Variants in CLMP observed in about 807,000 individuals in gnomAD.
The protein encoded by CLMP is CXADR like cell adhesion molecule.
In CLMP, 27 loss-of-function variants were observed where a neutral mutation model predicts 45.2. The ratio of observed to expected loss-of-function variants is 0.60; its 90% CI spans 0.44 to 0.82. The LOEUF (loss-of-function observed/expected upper bound fraction) is 0.82. Ranked by LOEUF, CLMP falls within the 40% of genes least tolerant of loss-of-function variation. The pLI is 0.00. For missense variants in CLMP, 403 were observed against 448.4 expected (o/e 0.90, Z 0.91); for synonymous variants, 167 against 171.4 (o/e 0.97, Z 0.20).
intron 1 of CLMP, among the ~76,000 whole-genome samples, chr11:123,119,928 CCACCCA>C (rs1860789753): frequency 6.6e-6 from 1 of 152,188 alleles, no homozygotes; most frequent in African/African-American, 2.4e-5. Flanking sequence ...CTCAGGTGAT[CCACCCA>C]CTCTGGCCTC....
chr11:123,138,047 C>T (rs1565394011), intron 1 of CLMP, among the ~76,000 whole-genome samples: 1 of 151,768 alleles, frequency 6.6e-6, no homozygotes, highest in Non-Finnish European at 1.5e-5. Context: ...CCCGGGGCTG[C>T]CTCCTGGCGA....
intron 1 of CLMP, among the ~76,000 whole-genome samples, chr11:123,159,901 T>C (rs1861461761): frequency 6.6e-6 from 1 of 152,224 alleles, no homozygotes; most frequent in South Asian, 2.1e-4. Flanking sequence ...ACCTCCTGCC[T>C]GATGATGATG....
intron 1 of CLMP, among the ~76,000 whole-genome samples, chr11:123,167,036 C>T (rs1430788452): frequency 6.6e-6 from 1 of 152,134 alleles, no homozygotes; most frequent in Non-Finnish European, 1.5e-5. Context: ...GTTAACATGC[C>T]AGGCATGGCA....
intron 1 of CLMP, among the ~76,000 whole-genome samples, chr11:123,149,472 A>G (rs569937788): frequency 1.2e-3 from 185 of 152,356 alleles, no homozygotes; most frequent in African/African-American, 4.0e-3. Flanking sequence ...ACCAGTCACC[A>G]TCTCTGGGTT....
chr11:123,172,020 A>G (rs1041589374), intron 1 of CLMP, among the ~76,000 whole-genome samples: 6 of 149,628 alleles, frequency 4.0e-5, no homozygotes, highest in Non-Finnish European at 8.9e-5. Context: ...ACAATTCTGT[A>G]TTTTTTTTTT....
At chr11:123,117,599 G>A (rs1860736295) in intron 1 of CLMP, among the ~76,000 whole-genome samples, 1 of 150,946 alleles carries the variant, frequency 6.6e-6, no homozygotes, top group African/African-American at 2.4e-5. Flanking sequence ...GCTAATTTTT[G>A]TATTTTTAGT....
chr11:123,138,601 C>T (rs1013534644), intron 1 of CLMP, among the ~76,000 whole-genome samples: 2 of 130,170 alleles, frequency 1.5e-5, no homozygotes, highest in Non-Finnish European at 3.2e-5. Context: ...ACCTGCCCCC[C>T]ACCCCCCTCC....
At chr11:123,159,262 T>C (rs1021628699) in intron 1 of CLMP, among the ~76,000 whole-genome samples, 1 of 152,254 alleles carries the variant, frequency 6.6e-6, no homozygotes, top group Non-Finnish European at 1.5e-5. Flanking sequence ...AATATCAGCC[T>C]TCCAGAATGT....
At position 123,106,424 on chromosome 11, in the gene CLMP, TGCGCGCGCGC is replaced by T. The variant is rs71057332; in HGVS notation, c.29-8482_29-8473del. 9.4e-3 allele frequency among the ~76,000 whole-genome samples: 857 copies of T among 90,798 alleles called. 17 individuals carry two copies. In the East Asian group the frequency reaches 0.11, roughly 12 times the overall value. The allele number at this position is 90,798 out of a possible 152,430, so 59.6% of individuals were successfully genotyped here. On this transcript the variant is annotated intron_variant, in intron 1 of 6. Coordinates refer to ENST00000448775, the MANE Select transcript of CLMP (RefSeq NM_024769.5). ...GTGTGTGTGTGTGTGTGTGTGTGTG[TGCGCGCGCGC>T]GCGCGCACGTGCCTGCCTTCCAGAT...
chr11:123,129,463 C>T (rs1248278862), intron 1 of CLMP, among the ~76,000 whole-genome samples: 3 of 125,576 alleles, frequency 2.4e-5, no homozygotes, highest in African/African-American at 9.2e-5. Context: ...TAAAATATAT[C>T]ATATGATATA....
chr11:123,140,781 C>T (rs1861143392), intron 1 of CLMP, among the ~76,000 whole-genome samples: 1 of 152,120 alleles, frequency 6.6e-6, no homozygotes, highest in Non-Finnish European at 1.5e-5. Flanking sequence ...TTGCACCTAT[C>T]CATACCCCCG....
At chr11:123,087,855 G>C (rs146391830) in intron 2 of CLMP, among the ~76,000 whole-genome samples, 1 of 152,022 alleles carries the variant, frequency 6.6e-6, no homozygotes, top group Non-Finnish European at 1.5e-5. Flanking sequence ...AATGTTTGTA[G>C]GGTGTTGTTG....
chr11:123,097,670 A>G, intron 2 of CLMP, 125 bp downstream of exon 2: 1 of 716,448 alleles, frequency 1.4e-6, no homozygotes. Context: ...AAGTCTTTCA[A>G]GTAGAAGCCA....
chr11:123,097,722 G>C, intron 2 of CLMP, 73 bp downstream of exon 2: 4 of 1,195,982 alleles, frequency 3.3e-6, no homozygotes, highest in Non-Finnish European at 4.6e-6. Flanking sequence ...CAGAAAGAAA[G>C]ACTGGAAGAC....
chr11:123,137,634 G>A (rs557496712), intron 1 of CLMP, among the ~76,000 whole-genome samples: 60 of 152,080 alleles, frequency 3.9e-4, no homozygotes, highest in African/African-American at 1.3e-3. Context: ...GCAGCCTGTC[G>A]CCTGGGGCTG....
At chr11:123,098,158 C>G (rs1470035117) in intron 1 of CLMP, among the ~76,000 whole-genome samples, 1 of 152,168 alleles carries the variant, frequency 6.6e-6, no homozygotes, top group African/African-American at 2.4e-5. Flanking sequence ...TTTAACCACC[C>G]CAAATTACAT....
chr11:123,150,491 G>A (rs1400486434), intron 1 of CLMP, among the ~76,000 whole-genome samples: 62 of 115,204 alleles, frequency 5.4e-4, no homozygotes, highest in African/African-American at 1.4e-3. Context: ...AAGGAAGGAA[G>A]GAAGGAAGGA....
chr11:123,081,590 G>T (rs532652301), intron 5 of CLMP, among the ~76,000 whole-genome samples: 2 of 152,298 alleles, frequency 1.3e-5, no homozygotes, highest in African/African-American at 4.8e-5. Flanking sequence ...ACTCTAAGAG[G>T]CCAGGTGGCG....
At chr11:123,152,857 T>A (rs1329738023) in intron 1 of CLMP, among the ~76,000 whole-genome samples, 1 of 152,162 alleles carries the variant, frequency 6.6e-6, no homozygotes, top group Non-Finnish European at 1.5e-5. Flanking sequence ...TTCCCATTTA[T>A]ATCATATATG....
Sources: gnomAD v4.1 joint callset for allele counts (sites outside exome capture counted in the v4.1 genomes callset) on GRCh38, gnomAD v4.1.1 for gene constraint, MANE v1.5 for transcripts, NCBI Gene and HGNC (gene_info 2026-07-23, HGNC 2026-07-21) for gene names.